The following ZNF558 variants were observed in gnomAD, a reference collection of about 807,000 sequenced individuals.
The protein encoded by ZNF558 is zinc finger protein 558.
ZNF558 carries 23 observed loss-of-function variants against 37.6 expected under a neutral mutation model. The ratio of observed to expected loss-of-function variants is 0.61; its 90% CI spans 0.44 to 0.87. ZNF558 has a LOEUF of 0.87. Ranked by LOEUF, ZNF558 falls within the 40% of genes least tolerant of loss-of-function variation. The pLI is 0.00. For missense variants in ZNF558, 429 were observed against 483.7 expected (o/e 0.89, Z 1.06); for synonymous variants, 189 against 174.4 (o/e 1.08, Z -0.66).
rs1021857288 is a variant in ZNF558 at position 8,822,191 on chromosome 19, G to A, written c.32-100C>T. The stretch of plus-strand genomic sequence containing the variant: ...CCACCTCCCACACCCACACGGATGA[G>A]GCACCACACAGTGCCCACCTACGCT... On this transcript the variant is annotated intron_variant, in intron 5 of 9. Coordinates refer to ENST00000601372, the MANE Select transcript of ZNF558 (RefSeq NM_144693.3). This position sits in a 1 kb window ranked among gnomAD's most constrained non-coding sequence, Gnocchi z 4.4. The A allele has an allele frequency of 6.9e-7, 1 of 1,449,062 alleles. No individual in the cohort carries two copies. Among genetic ancestry groups the A allele is most frequent in the Non-Finnish European group, 9.5e-7 (1 of 1,050,228 alleles). The allele number at this position is 1,449,062 out of a possible 1,614,324, so 89.8% of individuals were successfully genotyped here.
At chr19:8,828,148 C>G (rs1427702061) in intron 2 of ZNF558, among the ~76,000 whole-genome samples, 1 of 152,170 alleles carries the variant, frequency 6.6e-6, no homozygotes, top group Non-Finnish European at 1.5e-5. Context: ...AAGGGAAATT[C>G]CGAGCATCCA....
chr19:8,832,673 C>T (rs2044391824), upstream of ZNF558, among the ~76,000 whole-genome samples: 1 of 150,516 alleles, frequency 6.6e-6, no homozygotes, highest in Admixed American at 6.6e-5. Context: ...GCTGATTGGG[C>T]AGAGACCAGT....
rs2043711796 is a variant in ZNF558, at chr19:8,807,358, C to T, written c.*3923G>A. On this transcript the variant is annotated 3_prime_UTR_variant, in exon 10 of 10. Coordinates refer to ENST00000601372, the MANE Select transcript of ZNF558 (RefSeq NM_144693.3). ...GATCCTGTCCACAGGACTGAGTAGA[C>T]CCTTTATGAAAACTCTACTTGAATT... is the stretch of plus-strand genomic sequence containing the variant. 6.6e-6 allele frequency: 1 copy of T among 152,180 alleles called. No individual in the cohort carries two copies. The highest frequency in any genetic ancestry group is 2.4e-5 in the African/African-American group (1 of 41,424). 9.4% of individuals were successfully genotyped at this position (152,180 alleles called of 1,614,324 possible).
At position 8,807,740 on chromosome 19, in the gene ZNF558, G is replaced by A. The variant is rs2043714540; in HGVS notation, c.*3541C>T. 6.6e-6 allele frequency: 1 copy of A among 151,972 alleles called. No homozygotes were observed. Among genetic ancestry groups the A allele is most frequent in the Non-Finnish European group, 1.5e-5 (1 of 68,008 alleles). 9.4% of individuals were successfully genotyped at this position (151,972 alleles called of 1,614,324 possible). A position where few individuals can be genotyped will look rare whatever the true frequency, so the allele number is the denominator to read the frequency against. The stretch of plus-strand genomic sequence containing the variant: ...CAACCCCCCTTAACTCTCCTAAAAT[G>A]CTTTTTTTTCCTATAACTCTATAAT... On this transcript the variant is annotated 3_prime_UTR_variant, in exon 10 of 10. Coordinates refer to ENST00000601372, the MANE Select transcript of ZNF558 (RefSeq NM_144693.3).
At chr19:8,834,075 G>A (rs184487090), upstream of ZNF558, among the ~76,000 whole-genome samples, 1 of 152,052 alleles carries the variant, frequency 6.6e-6, no homozygotes, top group Non-Finnish European at 1.5e-5. Flanking sequence ...GTAAGAGAGT[G>A]GTAACATTTA....
rs758665453 is a variant in ZNF558, at chr19:8,822,578, C to T, written c.31+51G>A. 2 of 1,613,492 alleles carry T rather than the reference C, an allele frequency of 1.2e-6. No homozygotes were observed. ...CCCGCTCGTGTCCCATGCTGTGGGT[C>T]AGAACCTTTCAAGGCTGGACTCTGA... On this transcript the variant is annotated intron_variant, in intron 5 of 9. Coordinates refer to ENST00000601372, the MANE Select transcript of ZNF558 (RefSeq NM_144693.3). The surrounding 1 kb of genome is among the most constrained non-coding windows in gnomAD (Gnocchi z 4.4).
intron 8 of ZNF558, 65 bp from the exon 9 acceptor site, chr19:8,812,708 T>A: frequency 9.6e-7 from 1 of 1,041,560 alleles, no homozygotes; most frequent in Admixed American, 2.7e-5. Flanking sequence ...TACACATGAG[T>A]AAAGGCAGAT....
In ZNF558 at chr19:8,810,928, T is replaced by A. The variant is rs1337622524; in HGVS notation, c.*353A>T. The A allele has an allele frequency of 1.0e-5, 2 of 195,590 alleles. No individual in the cohort carries two copies. Among genetic ancestry groups the A allele is most frequent in the African/African-American group, 4.7e-5 (2 of 42,406 alleles). The allele number at this position is 195,590 out of a possible 1,614,324, so 12.1% of individuals were successfully genotyped here. A position where few individuals can be genotyped will look rare whatever the true frequency, so the allele number is the denominator to read the frequency against. On this transcript the variant is annotated 3_prime_UTR_variant, in exon 10 of 10. Coordinates refer to ENST00000601372, the MANE Select transcript of ZNF558 (RefSeq NM_144693.3). ...GTAAAGAGGCCTACATGGTAATGAC[T>A]GAAGGTCCCCTGACAACAACCAACA...
At position 8,810,617 on chromosome 19, in the gene ZNF558, A is replaced by T. The variant is rs960664880; in HGVS notation, c.*664T>A. On this transcript the variant is annotated 3_prime_UTR_variant, in exon 10 of 10. Transcript: ENST00000601372. ...AGTTACTGAATGCTATTTCATATTG[A>T]TTAGAGTAGAAGGATGATGTGCTGA... is the stretch of plus-strand genomic sequence containing the variant. 6.6e-6 allele frequency: 1 copy of T among 152,262 alleles called. No homozygotes were observed. The allele number at this position is 152,262 out of a possible 1,614,324, so 9.4% of individuals were successfully genotyped here.
chr19:8,823,496 C>T (rs1340892881), intron 4 of ZNF558, among the ~76,000 whole-genome samples: 1 of 68,554 alleles, frequency 1.5e-5, no homozygotes. Flanking sequence ...CCTGCCTGTG[C>T]TCTGCCTCAG....
chr19:8,836,076 G>A (rs145137428), upstream of ZNF558, among the ~76,000 whole-genome samples: 116 of 152,308 alleles, frequency 7.6e-4, no homozygotes, highest in African/African-American at 2.7e-3. Flanking sequence ...TAGTGGTGAC[G>A]ATTGCGCAAC....
chr19:8,833,484 T>G (rs529532949), upstream of ZNF558: 1 of 152,358 alleles, frequency 6.6e-6, no homozygotes, highest in South Asian at 2.1e-4. Flanking sequence ...TGTATGTGTG[T>G]GTATGTGTGT....
intron 6 of ZNF558, 155 bp from the exon 7 acceptor site, chr19:8,821,461 C>A (rs1384921499): frequency 6.7e-7 from 1 of 1,502,964 alleles, no homozygotes; most frequent in Non-Finnish European, 8.8e-7. Context: ...TTCTGAGCTC[C>A]TCTCCCAGGG....
upstream of ZNF558, among the ~76,000 whole-genome samples, chr19:8,836,637 G>A (rs975450349): frequency 1.3e-5 from 2 of 151,958 alleles, no homozygotes; most frequent in African/African-American, 2.4e-5. Context: ...GACTGCAGGC[G>A]TGCACCACCA....
Position 8,807,802 on chromosome 19 carries a change from C to T in ZNF558, c.*3479G>A, listed in dbSNP as rs577709922. 7 of 152,200 alleles carry T rather than the reference C, an allele frequency of 4.6e-5. No homozygotes were observed. Among genetic ancestry groups the T allele is most frequent in the African/African-American group, 1.4e-4 (6 of 41,538 alleles). The allele number at this position is 152,200 out of a possible 1,614,324, so 9.4% of individuals were successfully genotyped here. A position where few individuals can be genotyped will look rare whatever the true frequency, so the allele number is the denominator to read the frequency against. Reference sequence around the variant, plus strand: ...TTGATTTTTCTATAATCTGTTCCTCCTCCATTAGGTGAAGTATTTCAATGG... The same window carrying T: ...TTGATTTTTCTATAATCTGTTCCTCTTCCATTAGGTGAAGTATTTCAATGG... On this transcript the variant is annotated 3_prime_UTR_variant, in exon 10 of 10. Transcript: ENST00000601372.
At chr19:8,832,384 C>T (rs920162694), upstream of ZNF558, 1 of 152,702 alleles carries the variant, frequency 6.5e-6, no homozygotes, top group African/African-American at 2.4e-5. Flanking sequence ...CTCGCAGAGT[C>T]GAGCGTGTTG....
At chr19:8,837,393 T>C in the ZNF558 span, among the ~76,000 whole-genome samples, 4 of 152,236 alleles carry the variant, frequency 2.6e-5, no homozygotes, top group Non-Finnish European at 4.4e-5. Flanking sequence ...AATGTACATT[T>C]AGTTATATTA....
chr19:8,827,664 C>A (rs1042005523), intron 2 of ZNF558, among the ~76,000 whole-genome samples: 4 of 151,090 alleles, frequency 2.6e-5, no homozygotes, highest in Admixed American at 1.3e-4. Context: ...ACCTCAGCCT[C>A]CCAGGTTCAA....
intron 2 of ZNF558, among the ~76,000 whole-genome samples, chr19:8,826,999 A>AG (rs1369826104): frequency 1.3e-5 from 2 of 151,980 alleles, no homozygotes; most frequent in African/African-American, 2.4e-5. Flanking sequence ...CTGGGGAGTG[A>AG]GGGGGGGTTG....
Sources: gnomAD v4.1 joint callset for allele counts (sites outside exome capture counted in the v4.1 genomes callset) on GRCh38, gnomAD v4.1.1 for gene constraint, Gnocchi (gnomAD v3.1) non-coding constraint, MANE v1.5 for transcripts, NCBI Gene and HGNC (gene_info 2026-07-23, HGNC 2026-07-21) for gene names.